Variants in NRXN1 observed in about 807,000 individuals in gnomAD.
NRXN1 encodes neurexin-1.
NRXN1 carries 39 observed loss-of-function variants against 150.9 expected under a neutral mutation model. That is an observed-to-expected ratio of 0.26 (90% confidence interval 0.20 to 0.34). NRXN1 has a LOEUF of 0.34. NRXN1 is among the 10% of genes least tolerant of loss of function. The pLI, the probability that NRXN1 is intolerant of heterozygous loss-of-function variation, is 1.00. For synonymous variants in NRXN1, 924 were observed against 757.0 expected (o/e 1.22, Z -3.62); for missense variants, 1,815 against 1,949.9 (o/e 0.93, Z 1.30).
intron 17 of NRXN1, among the ~76,000 whole-genome samples, chr2:50,330,407 C>G (rs1016973353): frequency 6.6e-6 from 1 of 152,014 alleles, no homozygotes; most frequent in East Asian, 1.9e-4. Flanking sequence ...AAAACATAGG[C>G]TCTCCTTTTT....
chr2:50,483,728 G>A (rs2090656023), intron 15 of NRXN1, among the ~76,000 whole-genome samples: 1 of 152,118 alleles, frequency 6.6e-6, no homozygotes, highest in Non-Finnish European at 1.5e-5. Flanking sequence ...CTTTTCTGAT[G>A]CACCACACTC....
chr2:50,607,458 C>T (rs1677321617), intron 8 of NRXN1, among the ~76,000 whole-genome samples: 1 of 152,086 alleles, frequency 6.6e-6, no homozygotes, highest in South Asian at 2.1e-4. Context: ...CTGCAAATCC[C>T]CAACTGTCCA....
intron 2 of NRXN1, among the ~76,000 whole-genome samples, chr2:50,966,419 T>G (rs988947350): frequency 1.3e-5 from 2 of 151,656 alleles, no homozygotes; most frequent in African/African-American, 4.8e-5. Flanking sequence ...GTTACTTTAG[T>G]CTTCCGCTGA....
intron 5 of NRXN1, among the ~76,000 whole-genome samples, chr2:50,846,688 C>A (rs1226038148): frequency 6.6e-6 from 1 of 152,106 alleles, no homozygotes; most frequent in Non-Finnish European, 1.5e-5. Flanking sequence ...ACAAAAGCAA[C>A]AATTCAAAAC....
At chr2:50,275,529 T>C (rs1574877188) in intron 17 of NRXN1, among the ~76,000 whole-genome samples, 1 of 152,262 alleles carries the variant, frequency 6.6e-6, no homozygotes, top group Admixed American at 6.5e-5. Context: ...CATGGGTAGT[T>C]GTCTTCACTT....
chr2:50,964,483 A>C (rs923648198), intron 2 of NRXN1, among the ~76,000 whole-genome samples: 1 of 151,530 alleles, frequency 6.6e-6, no homozygotes, highest in East Asian at 1.9e-4. Flanking sequence ...TAAAAGATGT[A>C]AACATTGCCT....
At chr2:50,985,061 A>G (rs567094050) in intron 2 of NRXN1, among the ~76,000 whole-genome samples, 3 of 152,162 alleles carry the variant, frequency 2.0e-5, no homozygotes, top group South Asian at 2.1e-4. Context: ...AAGATCCAGA[A>G]GAGTGCTAGA....
chr2:50,248,603 C>A (rs1376266976), intron 17 of NRXN1, among the ~76,000 whole-genome samples: 2 of 152,148 alleles, frequency 1.3e-5, no homozygotes, highest in Non-Finnish European at 2.9e-5. Flanking sequence ...GGGATCAGTT[C>A]ACCCAAAAAG....
Position 50,712,475 on chromosome 2 carries a change from T to A in NRXN1, c.833-88860A>T, listed in dbSNP as rs184443242. Reference sequence around the variant, plus strand: ...CTTGCCCAGTGGTCAACTTCTCAGCTAATCAAAGATCTTGGTTTAATGTAG... The same window carrying A: ...CTTGCCCAGTGGTCAACTTCTCAGCAAATCAAAGATCTTGGTTTAATGTAG... On this transcript the variant is annotated intron_variant, in intron 5 of 22. Coordinates refer to ENST00000401669, the MANE Select transcript of NRXN1 (RefSeq NM_001330078.2). 7.2e-5 allele frequency among the ~76,000 whole-genome samples: 11 copies of A among 152,292 alleles called. No individual in the cohort carries two copies. The East Asian group carries it at 2.1e-3, about 29-fold the overall frequency.
intron 21 of NRXN1, among the ~76,000 whole-genome samples, chr2:50,009,262 T>C (rs923479229): frequency 1.2e-4 from 18 of 152,118 alleles, no homozygotes; most frequent in Non-Finnish European, 2.4e-4. Context: ...ATCTCTGCAG[T>C]CACTAAGCAT....
At chr2:50,543,710 T>C (rs914937622) in intron 9 of NRXN1, among the ~76,000 whole-genome samples, 1 of 152,156 alleles carries the variant, frequency 6.6e-6, no homozygotes, top group African/African-American at 2.4e-5. Context: ...CATTACCTAT[T>C]AGTTTCCATT....
Position 51,028,119 on chromosome 2 carries a change from C to T in NRXN1, c.155G>A (p.Ser52Asn). 1 of 1,573,382 alleles carries T rather than the reference C, an allele frequency of 6.4e-7. No individual in the cohort carries two copies. Among genetic ancestry groups the T allele is most frequent in the African/African-American group, 1.3e-5 (1 of 74,248 alleles). ...AGTCTTGAGCTGGAAGCTCATCTCG[C>T]TCTCGCAGCAGGCGTTCCACTTGGG... ...RFPKWNACCESEMSFQLKTRS... is the reference protein window; with the variant it reads ...RFPKWNACCENEMSFQLKTRS... The change falls in exon 2 of 23, where the codon AGC (serine) becomes AAC (asparagine). Residue 52 changes from serine (S) to asparagine (N), a missense_variant. Around this residue, in one of 6 missense-constraint regions of NRXN1, gnomAD observed 554 missense variants for 478.8 expected, o/e 1.16. Coordinates refer to ENST00000401669, the MANE Select transcript of NRXN1 (RefSeq NM_001330078.2).
In NRXN1 at chr2:50,960,524, G is replaced by A. The variant is rs527761419; in HGVS notation, c.773-34569C>T. ...AAGCACTGTGGTAAACCCCAAGCTG[G>A]TGAAGTTGGTGCACAACAAGAGAGA... is the stretch of plus-strand genomic sequence containing the variant. On this transcript the variant is annotated intron_variant, in intron 2 of 22. Coordinates refer to ENST00000401669, the MANE Select transcript of NRXN1 (RefSeq NM_001330078.2). Among the ~76,000 whole-genome samples the A allele has an allele frequency of 5.9e-5, 9 of 152,038 alleles. No individual in the cohort carries two copies. The South Asian group carries it at 1.7e-3, about 28-fold the overall frequency.
intron 5 of NRXN1, among the ~76,000 whole-genome samples, chr2:50,829,949 A>G (rs1671153339): frequency 7.4e-6 from 1 of 135,914 alleles, no homozygotes; most frequent in African/African-American, 2.7e-5. Flanking sequence ...GTTCTGTTCT[A>G]CTTGCTATCA....
chr2:50,147,583 C>G (rs1388534095), intron 18 of NRXN1, among the ~76,000 whole-genome samples: 1 of 151,552 alleles, frequency 6.6e-6, no homozygotes, highest in East Asian at 1.9e-4. Flanking sequence ...GAGTGCTGTT[C>G]AACTACGTGA....
intron 2 of NRXN1, among the ~76,000 whole-genome samples, chr2:50,976,660 A>G (rs1575105935): frequency 6.6e-6 from 1 of 151,990 alleles, no homozygotes; most frequent in Non-Finnish European, 1.5e-5. Flanking sequence ...GTTAGAAGAC[A>G]GAAGTACTCG....
At chr2:50,380,310 AT>A (rs1029879041) in intron 17 of NRXN1, among the ~76,000 whole-genome samples, 11 of 150,650 alleles carry the variant, frequency 7.3e-5, no homozygotes, top group Admixed American at 2.0e-4. Context: ...GTGTGTGTGT[AT>A]TTTTTTTCCC....
At chr2:50,955,793 G>T (rs1692186639) in intron 2 of NRXN1, among the ~76,000 whole-genome samples, 2 of 152,118 alleles carry the variant, frequency 1.3e-5, no homozygotes, top group Admixed American at 1.3e-4. Context: ...ACTTAGCACA[G>T]AAACTGCCAA....
chr2:50,512,454 G>C (rs536395036), intron 12 of NRXN1, among the ~76,000 whole-genome samples: 7 of 152,228 alleles, frequency 4.6e-5, no homozygotes, highest in Non-Finnish European at 7.4e-5. Context: ...TATAAATTTT[G>C]TTAATCACTA....
Sources: gnomAD v4.1 joint callset for allele counts (sites outside exome capture counted in the v4.1 genomes callset) on GRCh38, gnomAD v4.1.1 for gene constraint, gnomAD v4.1.1 regional missense constraint, MANE v1.5 for transcripts, NCBI Gene and HGNC (gene_info 2026-07-23, HGNC 2026-07-21) for gene names.